The following CD83 variants were observed in gnomAD, a reference collection of about 807,000 sequenced individuals.
The protein encoded by CD83 is CD83 molecule, also known as CD83 antigen.
In CD83, 22 loss-of-function variants were observed where a neutral mutation model predicts 24.6. The observed-to-expected ratio is 0.90, with a 90% CI of 0.64 to 1.28. The LOEUF (loss-of-function observed/expected upper bound fraction) is 1.28. Among genes scored for constraint, CD83 ranks in the 50% most tolerant of loss-of-function variants. The pLI, the probability that CD83 is intolerant of heterozygous loss-of-function variation, is 0.00. For synonymous variants in CD83, 101 were observed against 103.5 expected, an observed-to-expected ratio of 0.98 and a Z score of 0.14; for missense variants, 253 against 252.8, an observed-to-expected ratio of 1.00 and a Z score of -0.01.
intron 4 of CD83, among the ~76,000 whole-genome samples, chr6:14,134,739 G>T (rs1177602190): frequency 6.6e-6 from 1 of 152,236 alleles, no homozygotes; most frequent in Non-Finnish European, 1.5e-5. Flanking sequence ...CCCTCAAGGA[G>T]CTTACAGTTA....
At chr6:14,132,768 AGG>A (rs928544263) in intron 3 of CD83, among the ~76,000 whole-genome samples, 1 of 152,210 alleles carries the variant, frequency 6.6e-6, no homozygotes, top group Non-Finnish European at 1.5e-5. Context: ...ATCCATTTTC[AGG>A]GGTTGACATC....
intron 2 of CD83, among the ~76,000 whole-genome samples, chr6:14,124,005 C>T (rs1759731735): frequency 6.6e-6 from 1 of 152,212 alleles, no homozygotes; most frequent in Non-Finnish European, 1.5e-5. Flanking sequence ...TTCCTGGCTA[C>T]TCCTGGAATA....
At chr6:14,133,819 C>A (rs551448289) in intron 4 of CD83, 64 bp downstream of exon 4, 2 of 1,084,074 alleles carry the variant, frequency 1.8e-6, no homozygotes, top group African/African-American at 1.7e-5. Flanking sequence ...ATCCAAGTAT[C>A]TCTTGCAGAT....
At position 14,136,022 on chromosome 6, in the gene CD83, G is replaced by C. The variant is rs934726691; in HGVS notation, c.*786G>C. 3 of 152,258 alleles carry C rather than the reference G, an allele frequency of 2.0e-5. No individual in the cohort carries two copies. The highest frequency in any genetic ancestry group is 4.4e-5 in the Non-Finnish European group (3 of 68,094). The allele number at this position is 152,258 out of a possible 1,614,324, so 9.4% of individuals were successfully genotyped here. A position where few individuals can be genotyped will look rare whatever the true frequency, so the allele number is the denominator to read the frequency against. On this transcript the variant is annotated 3_prime_UTR_variant, in exon 5 of 5. Coordinates refer to ENST00000379153, the MANE Select transcript of CD83 (RefSeq NM_004233.4). Reference sequence around the variant, plus strand: ...AAGTCAGAGAGGGTGACAAGATAGAGAGCTATTTAATGGCCGGCTGGAAAT... The same window carrying C: ...AAGTCAGAGAGGGTGACAAGATAGACAGCTATTTAATGGCCGGCTGGAAAT...
chr6:14,134,735 A>G (rs960445298), intron 4 of CD83, among the ~76,000 whole-genome samples: 11 of 152,240 alleles, frequency 7.2e-5, no homozygotes, highest in East Asian at 3.8e-4. Flanking sequence ...CCTGCCCTCA[A>G]GGAGCTTACA....
upstream of CD83, chr6:14,117,350 G>A (rs1275019976): frequency 1.3e-5 from 2 of 152,150 alleles, no homozygotes; most frequent in African/African-American, 4.8e-5. The surrounding 1 kb of genome is among the most constrained non-coding windows in gnomAD (Gnocchi z 4.6). Flanking sequence ...CCACCCTCTC[G>A]GAATCTGGTT....
chr6:14,135,693 T>C lies in CD83; in HGVS notation c.*457T>C, dbSNP rs1296725603. 1 of 155,304 alleles carries C rather than the reference T, an allele frequency of 6.4e-6. No individual in the cohort carries two copies. The highest frequency in any genetic ancestry group is 1.9e-4 in the East Asian group (1 of 5,278). The allele number at this position is 155,304 out of a possible 1,614,324, so 9.6% of individuals were successfully genotyped here. ...CAGATGTTTTACGTCTGGGAGAAATTGACAGATCAAGCTGTGAGACAGTGG... is the reference window on the plus strand; with the variant it reads ...CAGATGTTTTACGTCTGGGAGAAATCGACAGATCAAGCTGTGAGACAGTGG... On this transcript the variant is annotated 3_prime_UTR_variant, in exon 5 of 5. Transcript: ENST00000379153.
At position 14,118,858 on chromosome 6, in the gene CD83, T is replaced by C. The variant is rs560768080; in HGVS notation, c.153+793T>C. On this transcript the variant is annotated intron_variant, in intron 2 of 4. Coordinates refer to ENST00000379153, the MANE Select transcript of CD83 (RefSeq NM_004233.4). Reference sequence around the variant, plus strand: ...TTGATATCACTGGTCCTTCTTTAAGTCAGGCCACTGCTACCACAGCACCTC... The same window carrying C: ...TTGATATCACTGGTCCTTCTTTAAGCCAGGCCACTGCTACCACAGCACCTC... Among the ~76,000 whole-genome samples the C allele has an allele frequency of 5.3e-5, 8 of 152,354 alleles. No homozygotes were observed. In the South Asian group the frequency reaches 1.7e-3, roughly 32 times the overall value.
chr6:14,123,070 G>A (rs1395703996), intron 2 of CD83, among the ~76,000 whole-genome samples: 1 of 151,968 alleles, frequency 6.6e-6, no homozygotes, highest in Admixed American at 6.6e-5. Flanking sequence ...AGGAGCCATT[G>A]AAGGATTTTT....
At position 14,135,647 on chromosome 6, in the gene CD83, CTG is replaced by C. The variant is rs1040384752; in HGVS notation, c.*415_*416del. 1.2e-4 allele frequency: 20 copies of C among 161,688 alleles called. No individual in the cohort carries two copies. The highest frequency in any genetic ancestry group is 4.3e-4 in the African/African-American group (18 of 41,840). The allele number at this position is 161,688 out of a possible 1,614,324, so 10.0% of individuals were successfully genotyped here. A position where few individuals can be genotyped will look rare whatever the true frequency, so the allele number is the denominator to read the frequency against. On this transcript the variant is annotated 3_prime_UTR_variant, in exon 5 of 5. Coordinates refer to ENST00000379153, the MANE Select transcript of CD83 (RefSeq NM_004233.4). ...TCTTGGGGACATCTCTTTGAATTTT[CTG>C]TGTTTTGCTGTACCAGCCCAGATGT...
chr6:14,129,833 CTGTGTG>C lies in CD83; in HGVS notation c.154-1661_154-1656del, dbSNP rs58361945. 0.097 allele frequency among the ~76,000 whole-genome samples: 14,349 copies of C among 147,742 alleles called. 1,005 individuals carry two copies. Among genetic ancestry groups the C allele is most frequent in the African/African-American group, 0.2 (8,245 of 40,358 alleles). On this transcript the variant is annotated intron_variant, in intron 2 of 4. Coordinates refer to ENST00000379153, the MANE Select transcript of CD83 (RefSeq NM_004233.4). This position sits in a 1 kb window ranked among gnomAD's most constrained non-coding sequence, Gnocchi z 4.3. ...GAATTAATAAATGAAGCAGAAATGA[CTGTGTG>C]TGTGTGTGTGTGTGTGTGTGTGTGT...
At chr6:14,127,071 C>A (rs545138459) in intron 2 of CD83, among the ~76,000 whole-genome samples, 1 of 152,190 alleles carries the variant, frequency 6.6e-6, no homozygotes, top group African/African-American at 2.4e-5. Context: ...TCACTGCAAC[C>A]TTCGCCTCCT....
In CD83 at chr6:14,117,882, C is replaced by A; in HGVS notation, c.37+34C>A. ...CGCGAGCGCCTGTCTCGCCTGTCGCCCCCCGCCCCTCCACGACACCCCCTC... is the reference window on the plus strand; with the variant it reads ...CGCGAGCGCCTGTCTCGCCTGTCGCACCCCGCCCCTCCACGACACCCCCTC... On this transcript the variant is annotated intron_variant, in intron 1 of 4. Transcript: ENST00000379153. The surrounding 1 kb of genome is among the most constrained non-coding windows in gnomAD (Gnocchi z 4.6). 2 of 1,578,860 alleles carry A rather than the reference C, an allele frequency of 1.3e-6. No individual in the cohort carries two copies. The highest frequency in any genetic ancestry group is 1.7e-6 in the Non-Finnish European group (2 of 1,168,226).
intron 2 of CD83, among the ~76,000 whole-genome samples, chr6:14,121,265 G>A (rs1039014832): frequency 1.3e-5 from 2 of 151,942 alleles, no homozygotes; most frequent in Admixed American, 1.3e-4. Flanking sequence ...GACTTCCTGG[G>A]CTCGAGTAAT....
chr6:14,125,800 A>AC (rs1483597099), intron 2 of CD83, among the ~76,000 whole-genome samples: 9 of 152,240 alleles, frequency 5.9e-5, no homozygotes, highest in African/African-American at 2.2e-4. Flanking sequence ...GTGCTTTAAA[A>AC]AATACAGAAT....
rs756849450 is a variant in CD83, at chr6:14,135,379, A to T, written c.*143A>T. On this transcript the variant is annotated 3_prime_UTR_variant, in exon 5 of 5. Transcript: ENST00000379153. ...CCTCACTGAAAACATCTGGAAGGGGATCCCACCCCATTTTCTGTGGGCAGG... is the reference window on the plus strand; with the variant it reads ...CCTCACTGAAAACATCTGGAAGGGGTTCCCACCCCATTTTCTGTGGGCAGG... The T allele has an allele frequency of 2.4e-5, 21 of 872,274 alleles. No homozygotes were observed. The East Asian group carries it at 5.3e-4, about 22-fold the overall frequency. 54.0% of individuals were successfully genotyped at this position (872,274 alleles called of 1,614,324 possible). A position where few individuals can be genotyped will look rare whatever the true frequency, so the allele number is the denominator to read the frequency against.
At chr6:14,123,787 A>G (rs1382343795) in intron 2 of CD83, among the ~76,000 whole-genome samples, 2 of 151,696 alleles carry the variant, frequency 1.3e-5, no homozygotes, top group African/African-American at 4.9e-5. Flanking sequence ...AAAAAAACCA[A>G]CTTGTTTTCC....
chr6:14,128,471 G>A (rs759125061), intron 2 of CD83, among the ~76,000 whole-genome samples: 1 of 152,202 alleles, frequency 6.6e-6, no homozygotes, highest in Non-Finnish European at 1.5e-5. Flanking sequence ...AAGTTAGAGG[G>A]AGGGTTATGA....
chr6:14,131,388 C>G (rs966080409), intron 2 of CD83, 132 bp from the exon 3 acceptor site: 14 of 666,624 alleles, frequency 2.1e-5, no homozygotes, highest in Non-Finnish European at 3.1e-5. Flanking sequence ...AGGTCACACA[C>G]ACACAAAAGC....
Sources: gnomAD v4.1 joint callset for allele counts (sites outside exome capture counted in the v4.1 genomes callset) on GRCh38, gnomAD v4.1.1 for gene constraint, Gnocchi (gnomAD v3.1) non-coding constraint, MANE v1.5 for transcripts, NCBI Gene and HGNC (gene_info 2026-07-23, HGNC 2026-07-21) for gene names.